CSMD2: variants seen among roughly 807,000 people sequenced by gnomAD.
CSMD2 encodes CUB and Sushi multiple domains 2.
A neutral mutation model predicts 398.5 loss-of-function variants in CSMD2; 130 were observed. The observed-to-expected ratio is 0.33, with a 90% CI of 0.28 to 0.38. CSMD2 has a LOEUF of 0.38. CSMD2 is among the 10% of genes least tolerant of loss of function. The pLI, the probability that CSMD2 is intolerant of heterozygous loss-of-function variation, is 1.00. For synonymous variants in CSMD2, 1,828 were observed against 1,908.5 expected, an observed-to-expected ratio of 0.96 and a Z score of 1.10; for missense variants, 3,829 against 4,764.9, an observed-to-expected ratio of 0.80 and a Z score of 5.78.
chr1:34,030,669 T>C (rs1414790458), intron 3 of CSMD2, among the ~76,000 whole-genome samples: 1 of 152,218 alleles, frequency 6.6e-6, no homozygotes, highest in Non-Finnish European at 1.5e-5. Flanking sequence ...CTCTGCTTAA[T>C]GAGAAGTGCT....
At chr1:34,040,215 A>T (rs112307975) in intron 2 of CSMD2, among the ~76,000 whole-genome samples, 73 of 151,804 alleles carry the variant, frequency 4.8e-4, no homozygotes, top group Non-Finnish European at 9.4e-4. Flanking sequence ...ATTAAAAAAA[A>T]AATAATAAAA....
intron 9 of CSMD2, among the ~76,000 whole-genome samples, chr1:33,818,381 C>A (rs962119949): frequency 2.4e-4 from 36 of 152,180 alleles, no homozygotes; most frequent in African/African-American, 8.7e-4. Flanking sequence ...CCCTATAGAG[C>A]TCATGTTCTA....
intron 2 of CSMD2, among the ~76,000 whole-genome samples, chr1:34,081,032 A>C (rs367819530): frequency 4.6e-5 from 7 of 152,256 alleles, no homozygotes; most frequent in African/African-American, 1.7e-4. Flanking sequence ...GGAGAAAGAA[A>C]GGTTGAGTGG....
At chr1:33,532,335 A>G (rs1351107456) in intron 64 of CSMD2, among the ~76,000 whole-genome samples, 4 of 152,246 alleles carry the variant, frequency 2.6e-5, no homozygotes, top group Non-Finnish European at 5.9e-5. Flanking sequence ...AATGCCTGGT[A>G]TCTGGTGAGG....
At chr1:33,841,737 A>C (rs1045504275) in intron 6 of CSMD2, among the ~76,000 whole-genome samples, 1 of 152,198 alleles carries the variant, frequency 6.6e-6, no homozygotes, top group Non-Finnish European at 1.5e-5. Flanking sequence ...GTAAATACCC[A>C]CTACATAAAA....
intron 11 of CSMD2, among the ~76,000 whole-genome samples, chr1:33,790,002 G>C (rs1654035956): frequency 6.6e-6 from 1 of 152,222 alleles, no homozygotes; most frequent in African/African-American, 2.4e-5. Flanking sequence ...TGTATGGTAT[G>C]ATCCTCAATA....
chr1:34,103,060 A>G (rs1422331270), intron 1 of CSMD2, among the ~76,000 whole-genome samples: 3 of 152,146 alleles, frequency 2.0e-5, no homozygotes, highest in African/African-American at 7.2e-5. Flanking sequence ...TGAATAAATG[A>G]ATATTAATTG....
intron 21 of CSMD2, 29 bp from the exon 22 acceptor site, chr1:33,709,287 T>G: frequency 6.3e-7 from 1 of 1,595,418 alleles, no homozygotes; most frequent in Non-Finnish European, 8.6e-7. Flanking sequence ...TAACCATAGA[T>G]TAACCCCCAT....
intron 52 of CSMD2, among the ~76,000 whole-genome samples, chr1:33,568,979 A>C (rs1034412073): frequency 1.1e-4 from 16 of 152,182 alleles, no homozygotes; most frequent in East Asian, 9.6e-4. Context: ...ATATGTATAG[A>C]TCTATATGTT....
At chr1:33,566,177 A>C (rs1034202290) in intron 53 of CSMD2, among the ~76,000 whole-genome samples, 9 of 152,002 alleles carry the variant, frequency 5.9e-5, no homozygotes, top group Non-Finnish European at 1.2e-4. Context: ...GAAATAAAGA[A>C]AGACCTGAAT....
At chr1:34,103,498 C>T (rs1434433563) in intron 1 of CSMD2, among the ~76,000 whole-genome samples, 1 of 151,964 alleles carries the variant, frequency 6.6e-6, no homozygotes, top group African/African-American at 2.4e-5. Context: ...CGGGGTTTCA[C>T]CGTGTTAGCC....
intron 5 of CSMD2, among the ~76,000 whole-genome samples, chr1:33,892,029 C>T (rs922270430): frequency 6.8e-6 from 1 of 147,520 alleles, no homozygotes; most frequent in East Asian, 2.0e-4. Flanking sequence ...TGCACATGTA[C>T]CCTAAAACTT....
intron 3 of CSMD2, among the ~76,000 whole-genome samples, chr1:33,953,135 T>C (rs1645060220): frequency 6.6e-6 from 1 of 152,200 alleles, no homozygotes; most frequent in South Asian, 2.1e-4. Flanking sequence ...ATGGCCAGGC[T>C]TAGCCCATAA....
chr1:33,763,664 C>A (rs1185215872), intron 13 of CSMD2, among the ~76,000 whole-genome samples: 1 of 152,162 alleles, frequency 6.6e-6, no homozygotes, highest in East Asian at 1.9e-4. Context: ...TTCAGTCTGC[C>A]TGATTTCACC....
chr1:33,822,270 G>C (rs1451753900), intron 7 of CSMD2, among the ~76,000 whole-genome samples: 2 of 152,156 alleles, frequency 1.3e-5, no homozygotes, highest in African/African-American at 4.8e-5. Context: ...AGGGCATGAG[G>C]AGAAGGAGCA....
At chr1:33,853,599 C>T (rs941389703) in intron 5 of CSMD2, among the ~76,000 whole-genome samples, 4 of 148,068 alleles carry the variant, frequency 2.7e-5, no homozygotes, top group Admixed American at 7.0e-5. Context: ...AACTGAATCT[C>T]GGAAAGTGCA....
intron 5 of CSMD2, among the ~76,000 whole-genome samples, chr1:33,888,604 A>C (rs1486881910): frequency 6.6e-6 from 1 of 152,224 alleles, no homozygotes; most frequent in Non-Finnish European, 1.5e-5. Context: ...TAATTCACAC[A>C]GATTAAATAG....
At chr1:33,986,011 A>C (rs1259642763) in intron 3 of CSMD2, among the ~76,000 whole-genome samples, 1 of 152,124 alleles carries the variant, frequency 6.6e-6, no homozygotes, top group African/African-American at 2.4e-5. Context: ...TCCATTAATA[A>C]GTCTGACTGC....
chr1:33,795,906 C>A (rs909227335), intron 10 of CSMD2, among the ~76,000 whole-genome samples: 1 of 152,208 alleles, frequency 6.6e-6, no homozygotes, highest in East Asian at 1.9e-4. Flanking sequence ...GCTCTCAGAC[C>A]CCTCACAGTG....
Sources: gnomAD v4.1 joint callset for allele counts (sites outside exome capture counted in the v4.1 genomes callset) on GRCh38, gnomAD v4.1.1 for gene constraint, MANE v1.5 for transcripts, NCBI Gene and HGNC (gene_info 2026-07-23, HGNC 2026-07-21) for gene names.